The following KIAA2012 variants were observed in gnomAD, a reference collection of about 807,000 sequenced individuals.
KIAA2012 encodes the protein KIAA2012.
A neutral mutation model predicts 150.6 loss-of-function variants in KIAA2012; 125 were observed. That is an observed-to-expected ratio of 0.83 (90% CI 0.72 to 0.96). The LOEUF (loss-of-function observed/expected upper bound fraction) is 0.96. Among genes scored for constraint, KIAA2012 ranks in the 40% least tolerant of loss-of-function variants. The pLI is 0.00. For synonymous variants in KIAA2012, 462 were observed against 504.7 expected, an observed-to-expected ratio of 0.92 and a Z score of 1.13; for missense variants, 1,219 against 1,354.9, an observed-to-expected ratio of 0.90 and a Z score of 1.57.
At chr2:202,150,271 T>A (rs1691395439) in intron 13 of KIAA2012, among the ~76,000 whole-genome samples, 1 of 152,250 alleles carries the variant, frequency 6.6e-6, no homozygotes, top group Non-Finnish European at 1.5e-5. Flanking sequence ...TTGTTTCATT[T>A]ACTAAAGAGA....
chr2:202,201,116 A>C (rs916182382), intron 22 of KIAA2012, among the ~76,000 whole-genome samples: 2 of 152,174 alleles, frequency 1.3e-5, no homozygotes, highest in Non-Finnish European at 2.9e-5. Context: ...TCCAAATTAA[A>C]GGAAGATCCT....
At chr2:202,200,034 G>A (rs1444479751) in intron 22 of KIAA2012, among the ~76,000 whole-genome samples, 1 of 144,188 alleles carries the variant, frequency 6.9e-6, no homozygotes, top group Non-Finnish European at 1.5e-5. Context: ...CGGTTCAAGC[G>A]ATTCTCCTGC....
intron 13 of KIAA2012, among the ~76,000 whole-genome samples, chr2:202,154,057 C>T (rs754069468): frequency 3.9e-5 from 6 of 152,238 alleles, no homozygotes; most frequent in South Asian, 2.1e-4. Flanking sequence ...CTTTGTACAG[C>T]CCAGAAGCTC....
At chr2:202,181,086 C>T (rs1490256717) in intron 15 of KIAA2012, among the ~76,000 whole-genome samples, 1 of 152,150 alleles carries the variant, frequency 6.6e-6, no homozygotes, top group Non-Finnish European at 1.5e-5. Context: ...CCTCCCACCT[C>T]AGCCCCCTGA....
At chr2:202,118,508 G>A (rs1690579327) in intron 11 of KIAA2012, among the ~76,000 whole-genome samples, 1 of 152,196 alleles carries the variant, frequency 6.6e-6, no homozygotes, top group Non-Finnish European at 1.5e-5. Context: ...AAGCATCAAA[G>A]CTCTGGGCAC....
intron 2 of KIAA2012, among the ~76,000 whole-genome samples, chr2:202,085,388 A>C (rs1176596755): frequency 6.6e-6 from 1 of 152,190 alleles, no homozygotes; most frequent in East Asian, 1.9e-4. Flanking sequence ...CAAGGTAAGC[A>C]CAAGAGTCCT....
intron 11 of KIAA2012, chr2:202,116,776 C>T (rs548094231): frequency 6.6e-6 from 1 of 152,254 alleles, no homozygotes; most frequent in Non-Finnish European, 1.5e-5. Context: ...TATGATGGCT[C>T]ACTTCTAAAT....
chr2:202,187,823 A>G (rs1692260397), intron 17 of KIAA2012, among the ~76,000 whole-genome samples: 1 of 152,196 alleles, frequency 6.6e-6, no homozygotes, highest in African/African-American at 2.4e-5. Flanking sequence ...AATCATGGCA[A>G]CACCAATCTA....
Position 202,097,457 on chromosome 2 carries a change from G to A in KIAA2012, c.708G>A (p.Gly236=). The part of the protein sequence containing the change: ...FEQRQQGLDE[G]EAGAAGHVDQ... Reference sequence around the variant, plus strand: ...CAGGTCAACAGGGCCTGGATGAAGGGGAAGCTGGAGCTGCTGGACACGTGG... The same window carrying A: ...CAGGTCAACAGGGCCTGGATGAAGGAGAAGCTGGAGCTGCTGGACACGTGG... Residue 236 remains glycine, a synonymous_variant, in exon 5 of 24, where the codon GGG becomes GGA. Coordinates refer to ENST00000498697, the MANE Select transcript of KIAA2012 (RefSeq NM_001277372.4). 1.3e-6 allele frequency: 2 copies of A among 1,550,576 alleles called. No homozygotes were observed. Among genetic ancestry groups the A allele is most frequent in the East Asian group, 2.4e-5 (1 of 40,926 alleles).
rs1163125868 is a variant in KIAA2012 at position 202,196,780 on chromosome 2, C to G, written c.3188-20C>G. 1.9e-6 allele frequency: 3 copies of G among 1,548,342 alleles called. No homozygotes were observed. The highest frequency in any genetic ancestry group is 2.6e-6 in the Non-Finnish European group (3 of 1,145,752). On this transcript the variant is annotated intron_variant, in intron 21 of 23. Coordinates refer to ENST00000498697, the MANE Select transcript of KIAA2012 (RefSeq NM_001277372.4). ...CTAAAAATGATCCCTGCTGAGCCCA[C>G]CCCCTTTTCTATTCTGCAGAGGCAG... is the stretch of plus-strand genomic sequence containing the variant.
At position 202,190,196 on chromosome 2, in the gene KIAA2012, TA is replaced by T. The variant is rs760609491; in HGVS notation, c.2523del (p.Lys841AsnfsTer2). ...AIGKSKDSKA[K>X]KKLEKKTRPQ... Reference sequence around the variant, plus strand: ...CAGGAAAGTCAAAGGACTCAAAGGCTAAAAAAAAATTAGAAAAAAAAACAAG... The same window carrying T: ...CAGGAAAGTCAAAGGACTCAAAGGCTAAAAAAAATTAGAAAAAAAAACAAG... On this transcript the variant is annotated frameshift_variant, in exon 19 of 24. Transcript: ENST00000498697. LOFTEE classifies it high-confidence loss of function. The T allele has an allele frequency of 1.1e-4, 161 of 1,490,204 alleles. No individual in the cohort carries two copies. Among genetic ancestry groups the T allele is most frequent in the Admixed American group, 6.7e-4 (27 of 40,118 alleles). 92.3% of individuals were successfully genotyped at this position (1,490,204 alleles called of 1,614,324 possible).
At position 202,163,243 on chromosome 2, in the gene KIAA2012, G is replaced by A. The variant is rs151214972; in HGVS notation, c.2047-2041G>A. ...CTCAGCCTCCTGAGTAGCTGGGATTGCAGGTGCATGCCACCACGCCTGGCT... is the reference window on the plus strand; with the variant it reads ...CTCAGCCTCCTGAGTAGCTGGGATTACAGGTGCATGCCACCACGCCTGGCT... On this transcript the variant is annotated intron_variant, in intron 14 of 23. Coordinates refer to ENST00000498697, the MANE Select transcript of KIAA2012 (RefSeq NM_001277372.4). Among the ~76,000 whole-genome samples the A allele has an allele frequency of 2.0e-3, 300 of 150,956 alleles. 1 individual carries two copies. Among genetic ancestry groups the A allele is most frequent in the African/African-American group, 6.2e-3 (256 of 41,248 alleles).
intron 10 of KIAA2012, among the ~76,000 whole-genome samples, chr2:202,111,297 C>T (rs1487982817): frequency 1.3e-5 from 2 of 148,456 alleles, no homozygotes; most frequent in Admixed American, 1.4e-4. Context: ...GAGTTCAAGA[C>T]CAGCTTGTGC....
At chr2:202,081,144 A>C (rs1689443216) in intron 2 of KIAA2012, among the ~76,000 whole-genome samples, 1 of 152,254 alleles carries the variant, frequency 6.6e-6, no homozygotes, top group Non-Finnish European at 1.5e-5. Flanking sequence ...TTCACTCATT[A>C]GAAGAATGAA....
chr2:202,174,311 A>C (rs753900369), intron 15 of KIAA2012, among the ~76,000 whole-genome samples: 1 of 152,192 alleles, frequency 6.6e-6, no homozygotes, highest in Non-Finnish European at 1.5e-5. Flanking sequence ...GATGTCCTCT[A>C]TCAGTGATTC....
At chr2:202,195,257 C>T (rs1692394130) in intron 21 of KIAA2012, among the ~76,000 whole-genome samples, 1 of 151,846 alleles carries the variant, frequency 6.6e-6, no homozygotes, top group Non-Finnish European at 1.5e-5. Flanking sequence ...GTGGCTCACA[C>T]CTATAATCCC....
At chr2:202,187,995 C>T (rs1004344665) in intron 17 of KIAA2012, among the ~76,000 whole-genome samples, 157 bp from the exon 18 acceptor site, 2 of 152,178 alleles carry the variant, frequency 1.3e-5, no homozygotes, top group Admixed American at 1.3e-4. Context: ...TCCCCATCGG[C>T]TCTGCATTCT....
rs578244783 is a variant in KIAA2012 at position 202,091,488 on chromosome 2, C to T, written c.529+559C>T. On this transcript the variant is annotated intron_variant, in intron 3 of 23. Coordinates refer to ENST00000498697, the MANE Select transcript of KIAA2012 (RefSeq NM_001277372.4). Reference sequence around the variant, plus strand: ...TCTCCAGCGCAATCCATTAGGAGTGCGATGGACACCCTTCTGATGAACAGA... The same window carrying T: ...TCTCCAGCGCAATCCATTAGGAGTGTGATGGACACCCTTCTGATGAACAGA... Among the ~76,000 whole-genome samples, 8 of 152,206 alleles carry T rather than the reference C, an allele frequency of 5.3e-5. No homozygotes were observed. The South Asian group carries it at 8.3e-4, about 16-fold the overall frequency.
In KIAA2012 at chr2:202,097,422, T is replaced by A. The variant is rs1689914465; in HGVS notation, c.686-13T>A. The A allele has an allele frequency of 6.5e-7, 1 of 1,550,162 alleles. No homozygotes were observed. Among genetic ancestry groups the A allele is most frequent in the African/African-American group, 1.4e-5 (1 of 73,010 alleles). On this transcript the variant is annotated splice_polypyrimidine_tract_variant and intron_variant, in intron 4 of 23. Coordinates refer to ENST00000498697, the MANE Select transcript of KIAA2012 (RefSeq NM_001277372.4). ...TCCAGGGTGACAAGCTGACCCATTG[T>A]TCACCATTGCAGGTCAACAGGGCCT... is the stretch of plus-strand genomic sequence containing the variant.
Sources: gnomAD v4.1 joint callset for allele counts (sites outside exome capture counted in the v4.1 genomes callset) on GRCh38, gnomAD v4.1.1 for gene constraint, MANE v1.5 for transcripts, NCBI Gene and HGNC (gene_info 2026-07-23, HGNC 2026-07-21) for gene names.